The following PTCHD4 variants were observed in gnomAD, a reference collection of about 807,000 sequenced individuals.
The protein encoded by PTCHD4 is patched domain-containing protein 4.
PTCHD4 carries 33 observed loss-of-function variants against 58.1 expected under a neutral mutation model. The observed-to-expected ratio is 0.57, with a 90% confidence interval of 0.43 to 0.76. PTCHD4 has a LOEUF of 0.76. Among genes scored for constraint, PTCHD4 ranks in the 30% least tolerant of loss-of-function variants. The pLI is 0.00. For synonymous variants in PTCHD4, 478 were observed against 409.6 expected (o/e 1.17, Z -2.02); for missense variants, 1,058 against 1,027.1 (o/e 1.03, Z -0.41).
rs1416922460 is a variant in PTCHD4 at position 47,869,199 on chromosome 6, C to T, written c.*9104G>A. ...TGGACTTGGATATTGAAATATTTAA[C>T]ATGATTGGTTTTAGTGACTTAGAAG... On this transcript the variant is annotated 3_prime_UTR_variant, in exon 5 of 5. Coordinates refer to ENST00000339488, the MANE Select transcript of PTCHD4 (RefSeq NM_001384253.1). 6.6e-6 allele frequency among the ~76,000 whole-genome samples: 1 copy of T among 151,634 alleles called. No individual in the cohort carries two copies. The highest frequency in any genetic ancestry group is 1.5e-5 in the Non-Finnish European group (1 of 67,774).
At chr6:48,094,174 G>A (rs1005601021) in intron 1 of PTCHD4, among the ~76,000 whole-genome samples, 2 of 152,116 alleles carry the variant, frequency 1.3e-5, no homozygotes, top group African/African-American at 4.8e-5. Flanking sequence ...AAAAAGGAAT[G>A]TATTCTACCA....
chr6:47,891,420 C>T (rs1048717805), intron 4 of PTCHD4, among the ~76,000 whole-genome samples: 1 of 151,716 alleles, frequency 6.6e-6, no homozygotes, highest in Non-Finnish European at 1.5e-5. Flanking sequence ...CGAGACAAAA[C>T]GAGACCCCTC....
intron 4 of PTCHD4, among the ~76,000 whole-genome samples, chr6:47,957,818 A>G (rs115667897): frequency 1.9e-3 from 290 of 151,778 alleles, no homozygotes; most frequent in Middle Eastern, 6.8e-3. Flanking sequence ...GTTAGCCAGG[A>G]TGGTTTCGAT....
intron 4 of PTCHD4, among the ~76,000 whole-genome samples, chr6:47,968,576 T>C (rs1767382519): frequency 6.6e-6 from 1 of 152,170 alleles, no homozygotes; most frequent in Admixed American, 6.5e-5. Flanking sequence ...GATTTGTAAA[T>C]AAGCCTTTGG....
intron 1 of PTCHD4, among the ~76,000 whole-genome samples, chr6:48,073,254 A>G (rs570463214): frequency 6.6e-6 from 1 of 152,310 alleles, no homozygotes; most frequent in East Asian, 1.9e-4. Flanking sequence ...AGTTTTCAAG[A>G]CTTAGAATCA....
intron 4 of PTCHD4, among the ~76,000 whole-genome samples, chr6:48,006,618 CT>C (rs1762448336): frequency 6.6e-6 from 1 of 152,126 alleles, no homozygotes; most frequent in Non-Finnish European, 1.5e-5. Flanking sequence ...CTAGACTCAT[CT>C]TTGTCATTGG....
At position 47,879,582 on chromosome 6, in the gene PTCHD4, C is replaced by G; in HGVS notation, c.1253G>C (p.Trp418Ser). The G allele has an allele frequency of 1.2e-6, 2 of 1,613,732 alleles. No homozygotes were observed. The highest frequency in any genetic ancestry group is 1.7e-6 in the Non-Finnish European group (2 of 1,179,780). Residue 418 changes from tryptophan to serine, a missense_variant, in exon 5 of 5, where the codon TGG becomes TCG. Coordinates refer to ENST00000339488, the MANE Select transcript of PTCHD4 (RefSeq NM_001384253.1). ...SAEYLDRKPV[W>S]FQTVMSDGHQ... ...CCCATCACTCATCACTGTCTGGAAC[C>G]ACACAGGTTTGCGATCCAGGTATTC...
At chr6:48,084,924 A>G (rs1477152443) in intron 1 of PTCHD4, among the ~76,000 whole-genome samples, 1 of 151,692 alleles carries the variant, frequency 6.6e-6, no homozygotes, top group Non-Finnish European at 1.5e-5. Flanking sequence ...TTTGTATCTT[A>G]GTAGAGACGG....
At chr6:48,026,905 T>A (rs2114123279) in intron 3 of PTCHD4, among the ~76,000 whole-genome samples, 1 of 117,888 alleles carries the variant, frequency 8.5e-6, no homozygotes, top group South Asian at 3.0e-4. Context: ...GTACATAACC[T>A]CAATTTGTCC....
chr6:47,985,130 T>C (rs1400133181), intron 4 of PTCHD4, among the ~76,000 whole-genome samples: 1 of 152,174 alleles, frequency 6.6e-6, no homozygotes, highest in African/African-American at 2.4e-5. Flanking sequence ...TTGGAATTAT[T>C]CTAAGAAGCT....
At chr6:47,884,681 T>A (rs1764127829) in intron 4 of PTCHD4, among the ~76,000 whole-genome samples, 1 of 152,246 alleles carries the variant, frequency 6.6e-6, no homozygotes, top group African/African-American at 2.4e-5. Flanking sequence ...CCACTGCTTG[T>A]TTTAAGAACA....
intron 4 of PTCHD4, among the ~76,000 whole-genome samples, chr6:47,930,201 C>T (rs16876838): frequency 0.16 from 24,080 of 152,104 alleles, 2,287 homozygotes; most frequent in African/African-American, 0.27. Flanking sequence ...ACAAAGCTCT[C>T]TGAAAGGGTA....
rs1053337626 is a variant in PTCHD4 at position 48,101,188 on chromosome 6, G to GA, written c.-970+9860dup. Among the ~76,000 whole-genome samples, 9 of 151,712 alleles carry GA rather than the reference G, an allele frequency of 5.9e-5. No homozygotes were observed. The East Asian group carries it at 7.7e-4, about 13-fold the overall frequency. The stretch of plus-strand genomic sequence containing the variant: ...ATACACTGTTTAAAAATGTAGGATG[G>GA]AAAAAAAATATCTAGTAAAATTTAT... On this transcript the variant is annotated intron_variant, in intron 1 of 4. Transcript: ENST00000339488.
chr6:48,102,538 T>C (rs1213370167), intron 1 of PTCHD4, among the ~76,000 whole-genome samples: 1 of 152,218 alleles, frequency 6.6e-6, no homozygotes, highest in Non-Finnish European at 1.5e-5. Flanking sequence ...GCGTGAGCGA[T>C]GCAGAAGACG....
intron 4 of PTCHD4, among the ~76,000 whole-genome samples, chr6:48,000,685 T>C (rs1393552121): frequency 6.6e-6 from 1 of 152,146 alleles, no homozygotes; most frequent in Non-Finnish European, 1.5e-5. Context: ...CTCATCCCCA[T>C]ATGCACTGAG....
At chr6:48,073,585 G>T (rs1305425560) in intron 1 of PTCHD4, among the ~76,000 whole-genome samples, 1 of 152,166 alleles carries the variant, frequency 6.6e-6, no homozygotes, top group Admixed American at 6.5e-5. Context: ...CTTGTTCAAG[G>T]TTAGCAGTCC....
At chr6:47,991,374 G>T (rs1768275052) in intron 4 of PTCHD4, among the ~76,000 whole-genome samples, 1 of 152,160 alleles carries the variant, frequency 6.6e-6, no homozygotes, top group African/African-American at 2.4e-5. Flanking sequence ...AGTAAAAACA[G>T]CTTTCAATAT....
intron 3 of PTCHD4, among the ~76,000 whole-genome samples, chr6:48,066,010 A>T (rs572198879): frequency 1.1e-4 from 17 of 152,286 alleles, no homozygotes; most frequent in African/African-American, 3.8e-4. Context: ...CACCTGTTAT[A>T]GGCCTAGCAT....
intron 4 of PTCHD4, among the ~76,000 whole-genome samples, chr6:47,963,348 A>C (rs1395231293): frequency 6.6e-6 from 1 of 152,116 alleles, no homozygotes; most frequent in African/African-American, 2.4e-5. Context: ...AAGTCTTGGT[A>C]AGAATATGGA....
Sources: gnomAD v4.1 joint callset for allele counts (sites outside exome capture counted in the v4.1 genomes callset) on GRCh38, gnomAD v4.1.1 for gene constraint, MANE v1.5 for transcripts, NCBI Gene and HGNC (gene_info 2026-07-23, HGNC 2026-07-21) for gene names.